The following PTPRQ variants were observed in gnomAD, a reference collection of about 807,000 sequenced individuals.
The protein encoded by PTPRQ is phosphatidylinositol phosphatase PTPRQ.
Under a neutral mutation model 246.0 loss-of-function variants are expected in PTPRQ, and 199 were observed. The ratio of observed to expected loss-of-function variants is 0.81; its 90% CI spans 0.72 to 0.91. The LOEUF (loss-of-function observed/expected upper bound fraction) is 0.91. PTPRQ is among the 40% of genes least tolerant of loss of function. PTPRQ has a pLI of 0.00. For synonymous variants in PTPRQ, 869 were observed against 853.2 expected, an observed-to-expected ratio of 1.02 and a Z score of -0.32; for missense variants, 2,624 against 2,528.4, an observed-to-expected ratio of 1.04 and a Z score of -0.81.
At position 80,652,837 on chromosome 12, in the gene PTPRQ, A is replaced by G. The variant is rs1332777156; in HGVS notation, c.6115+3A>G. 7 of 1,487,650 alleles carry G rather than the reference A, an allele frequency of 4.7e-6. No homozygotes were observed. Among genetic ancestry groups the G allele is most frequent in the Non-Finnish European group, 6.3e-6 (7 of 1,119,868 alleles). The allele number at this position is 1,487,650 out of a possible 1,614,324, so 92.2% of individuals were successfully genotyped here. ...CCGCTTCCCAAACATAAAACCATGTATGTGCATTTGTTGGTTTTGGTTTAG... is the reference window on the plus strand; with the variant it reads ...CCGCTTCCCAAACATAAAACCATGTGTGTGCATTTGTTGGTTTTGGTTTAG... On this transcript the variant is annotated splice_donor_region_variant and intron_variant, in intron 38 of 44. Coordinates refer to ENST00000644991, the MANE Select transcript of PTPRQ (RefSeq NM_001145026.2).
chr12:80,522,053 A>G (rs1365928360), intron 17 of PTPRQ, among the ~76,000 whole-genome samples: 2 of 152,132 alleles, frequency 1.3e-5, no homozygotes, highest in East Asian at 3.9e-4. Context: ...AGTGGTTTGT[A>G]GTTCTCCTTG....
intron 8 of PTPRQ, among the ~76,000 whole-genome samples, chr12:80,482,712 G>C (rs370005606): frequency 6.6e-6 from 1 of 151,388 alleles, no homozygotes; most frequent in African/African-American, 2.5e-5. Flanking sequence ...AAAAGTGGGC[G>C]AAGGACATGA....
At chr12:80,483,494 T>C (rs989251151) in intron 8 of PTPRQ, among the ~76,000 whole-genome samples, 1 of 151,176 alleles carries the variant, frequency 6.6e-6, no homozygotes, top group Non-Finnish European at 1.5e-5. Flanking sequence ...ACCTGCACAA[T>C]GTGCACATGT....
Position 80,669,085 on chromosome 12 carries a change from T to C in PTPRQ, c.6271T>C (p.Trp2091Arg), listed in dbSNP as rs1363934129. 2.6e-6 allele frequency: 4 copies of C among 1,550,510 alleles called. No homozygotes were observed. The East Asian group carries it at 9.8e-5, about 38-fold the overall frequency. ...GTVGDFWRMV[W>R]ETRAKTLVML... ...AGTTGGAGATTTTTGGAGAATGGTG[T>C]GGGAAACCAGAGCAAAAACATTAGT... The change falls in exon 40 of 45, where the codon TGG becomes CGG. Residue 2091 changes from tryptophan to arginine, a missense_variant. Trp to Arg is a moderately radical substitution (Grantham distance 101, BLOSUM62 -3). Transcript: ENST00000644991.
At chr12:80,468,918 A>G in intron 7 of PTPRQ, 80 bp downstream of exon 7, 1 of 1,484,952 alleles carries the variant, frequency 6.7e-7, no homozygotes, top group Non-Finnish European at 8.9e-7. Flanking sequence ...TCTGTTTAAA[A>G]GTATCAGACT....
Position 80,661,141 on chromosome 12 carries a change from G to T in PTPRQ, c.6192+3080G>T, listed in dbSNP as rs78017291. Among the ~76,000 whole-genome samples, 1,155 of 151,744 alleles carry T rather than the reference G, an allele frequency of 7.6e-3. 9 individuals carry two copies. The highest frequency in any genetic ancestry group is 0.027 in the African/African-American group (1,113 of 41,450). On this transcript the variant is annotated intron_variant, in intron 39 of 44. Transcript: ENST00000644991. ...TTATATACATCATTTACAAGGATTT[G>T]CTAGACAGTTTGGGGGATATTAAGA...
At chr12:80,469,012 A>G (rs990983778) in intron 7 of PTPRQ, among the ~76,000 whole-genome samples, 174 bp downstream of exon 7, 6 of 152,348 alleles carry the variant, frequency 3.9e-5, no homozygotes, top group Middle Eastern at 3.4e-3. Context: ...ATTCAAAACC[A>G]TAAATGAGTA....
At chr12:80,506,969 A>G (rs1894980814) in intron 16 of PTPRQ, among the ~76,000 whole-genome samples, 1 of 151,994 alleles carries the variant, frequency 6.6e-6, no homozygotes, top group Admixed American at 6.6e-5. Flanking sequence ...TTGAACGTTA[A>G]CTGATATATG....
At chr12:80,445,807 C>T in intron 3 of PTPRQ, 90 bp downstream of exon 3, 6 of 822,352 alleles carry the variant, frequency 7.3e-6, no homozygotes, top group Non-Finnish European at 1.2e-5. Flanking sequence ...CAAGCCTTTA[C>T]AGCTGAATAC....
chr12:80,629,244 C>T (rs1477845176), intron 33 of PTPRQ, among the ~76,000 whole-genome samples: 1 of 151,836 alleles, frequency 6.6e-6, no homozygotes, highest in Non-Finnish European at 1.5e-5. Flanking sequence ...GTCACTAATC[C>T]CATCAGATCG....
chr12:80,637,969 A>G (rs1482383646), intron 35 of PTPRQ, among the ~76,000 whole-genome samples: 1 of 152,048 alleles, frequency 6.6e-6, no homozygotes. Context: ...ATTTCTCTTA[A>G]ATCTACCCAG....
intron 19 of PTPRQ, among the ~76,000 whole-genome samples, 192 bp from the exon 20 acceptor site, chr12:80,539,584 C>G (rs1413777144): frequency 6.6e-6 from 1 of 152,046 alleles, no homozygotes; most frequent in Non-Finnish European, 1.5e-5. Context: ...AAACCACCAT[C>G]TATTTCTCTT....
chr12:80,597,044 G>T (rs769918914), intron 26 of PTPRQ, among the ~76,000 whole-genome samples: 4 of 151,936 alleles, frequency 2.6e-5, no homozygotes, highest in Non-Finnish European at 5.9e-5. Context: ...TGGTAGAAAA[G>T]TACCAAGAGA....
chr12:80,509,036 T>A (rs901108058), intron 16 of PTPRQ, among the ~76,000 whole-genome samples: 1 of 152,054 alleles, frequency 6.6e-6, no homozygotes, highest in Non-Finnish European at 1.5e-5. Context: ...CTTTGACAAA[T>A]GAAAGAGAAT....
intron 26 of PTPRQ, among the ~76,000 whole-genome samples, chr12:80,592,756 T>A (rs1592695597): frequency 6.6e-6 from 1 of 152,314 alleles, no homozygotes; most frequent in East Asian, 1.9e-4. Context: ...ATGCCTGTAA[T>A]CCCAGCACTT....
At chr12:80,660,532 T>C (rs535450622) in intron 39 of PTPRQ, among the ~76,000 whole-genome samples, 1 of 152,018 alleles carries the variant, frequency 6.6e-6, no homozygotes, top group Non-Finnish European at 1.5e-5. Flanking sequence ...TTCAAGAGAG[T>C]CAAAAATGAA....
At chr12:80,460,523 G>C (rs946855920) in intron 5 of PTPRQ, 130 bp from the exon 6 acceptor site, 1 of 393,640 alleles carries the variant, frequency 2.5e-6, no homozygotes, top group Non-Finnish European at 4.5e-6. Context: ...TAGCAAATTT[G>C]TCTATAACTT....
At chr12:80,547,779 A>G (rs755850413) in intron 24 of PTPRQ, among the ~76,000 whole-genome samples, 3 of 152,186 alleles carry the variant, frequency 2.0e-5, no homozygotes, top group African/African-American at 4.8e-5. Flanking sequence ...AAAGATCCAC[A>G]TAAAGCACTT....
chr12:80,524,880 A>G (rs1422354558), intron 17 of PTPRQ, among the ~76,000 whole-genome samples: 6 of 152,170 alleles, frequency 3.9e-5, no homozygotes, highest in South Asian at 4.1e-4. Flanking sequence ...TACTACACCA[A>G]TAGGGATATG....
Sources: gnomAD v4.1 joint callset for allele counts (sites outside exome capture counted in the v4.1 genomes callset) on GRCh38, gnomAD v4.1.1 for gene constraint, MANE v1.5 for transcripts, NCBI Gene and HGNC (gene_info 2026-07-23, HGNC 2026-07-21) for gene names.